The following EPHA6 variants were observed in gnomAD, a reference collection of about 807,000 sequenced individuals.
EPHA6 encodes the protein EPH receptor A6.
EPHA6 carries 50 observed loss-of-function variants against 112.0 expected under a neutral mutation model. The observed-to-expected ratio is 0.45, with a 90% CI of 0.36 to 0.56. The LOEUF (loss-of-function observed/expected upper bound fraction) is 0.56. Ranked by LOEUF, EPHA6 falls within the 20% of genes least tolerant of loss-of-function variation. The pLI is 0.00. For missense variants in EPHA6, 1,280 were observed against 1,417.4 expected, an observed-to-expected ratio of 0.90 and a Z score of 1.56; for synonymous variants, 529 against 490.7, an observed-to-expected ratio of 1.08 and a Z score of -1.03.
Position 96,814,621 on chromosome 3 carries a change from T to A in EPHA6, c.-3T>A. Reference sequence around the variant, plus strand: ...TCCTCGCGCAAGCGGGACACTGTGGTGGATGCAATTCCCCTCGCCTCCAGC... The same window carrying A: ...TCCTCGCGCAAGCGGGACACTGTGGAGGATGCAATTCCCCTCGCCTCCAGC... On this transcript the variant is annotated 5_prime_UTR_variant, in exon 1 of 18. Coordinates refer to ENST00000389672, the MANE Select transcript of EPHA6 (RefSeq NM_001080448.3). The A allele has an allele frequency of 2.1e-6, 3 of 1,442,690 alleles. No individual in the cohort carries two copies. Among genetic ancestry groups the A allele is most frequent in the Non-Finnish European group, 2.7e-6 (3 of 1,097,028 alleles). The allele number at this position is 1,442,690 out of a possible 1,614,324, so 89.4% of individuals were successfully genotyped here.
chr3:97,517,366 G>A (rs1390008179), intron 10 of EPHA6, among the ~76,000 whole-genome samples: 1 of 152,024 alleles, frequency 6.6e-6, no homozygotes, highest in Admixed American at 6.5e-5. Context: ...ATTTGGGAGA[G>A]GGACCAAAGA....
chr3:97,553,737 G>T (rs1403356695), intron 11 of EPHA6, among the ~76,000 whole-genome samples: 1 of 152,058 alleles, frequency 6.6e-6, no homozygotes, highest in Non-Finnish European at 1.5e-5. Flanking sequence ...ATATCACATT[G>T]TATCCTGATG....
At chr3:96,922,419 C>A (rs1416125403) in intron 2 of EPHA6, among the ~76,000 whole-genome samples, 1 of 152,048 alleles carries the variant, frequency 6.6e-6, no homozygotes, top group Admixed American at 6.6e-5. Flanking sequence ...GGGATGTAGA[C>A]CTTGACTGGA....
At chr3:97,656,994 T>C (rs2094141389) in intron 14 of EPHA6, among the ~76,000 whole-genome samples, 1 of 151,894 alleles carries the variant, frequency 6.6e-6, no homozygotes, top group South Asian at 2.1e-4. Context: ...AAAAGGCAGC[T>C]GCTAAATGAA....
At chr3:97,641,433 A>G (rs1164696389) in intron 14 of EPHA6, among the ~76,000 whole-genome samples, 1 of 152,204 alleles carries the variant, frequency 6.6e-6, no homozygotes. Flanking sequence ...AGGGTGGGGG[A>G]GGAGCCAAGA....
At chr3:96,999,180 G>A (rs966208372) in intron 3 of EPHA6, among the ~76,000 whole-genome samples, 26 of 151,796 alleles carry the variant, frequency 1.7e-4, no homozygotes, top group African/African-American at 6.3e-4. Context: ...CTGACTTTCT[G>A]GAAATTTCAT....
At chr3:96,983,733 T>C (rs1291563666) in intron 2 of EPHA6, among the ~76,000 whole-genome samples, 2 of 152,238 alleles carry the variant, frequency 1.3e-5, no homozygotes, top group Admixed American at 6.5e-5. Flanking sequence ...CCCATATTTC[T>C]TGGAGGCTTT....
intron 6 of EPHA6, among the ~76,000 whole-genome samples, chr3:97,433,008 A>G (rs1370365871): frequency 6.6e-6 from 1 of 152,204 alleles, no homozygotes; most frequent in Admixed American, 6.5e-5. Flanking sequence ...CCTGTTAGAA[A>G]CTATAAAAGA....
At chr3:97,537,534 T>G (rs1176715403) in intron 11 of EPHA6, among the ~76,000 whole-genome samples, 1 of 152,152 alleles carries the variant, frequency 6.6e-6, no homozygotes, top group Non-Finnish European at 1.5e-5. Flanking sequence ...ATTTTTAAAT[T>G]TATTCATTCA....
chr3:97,517,212 C>A (rs926906486), intron 10 of EPHA6, among the ~76,000 whole-genome samples: 1 of 152,094 alleles, frequency 6.6e-6, no homozygotes, highest in Non-Finnish European at 1.5e-5. Flanking sequence ...AAGCCAGAGT[C>A]CACTAGGAAC....
intron 3 of EPHA6, among the ~76,000 whole-genome samples, chr3:97,101,565 A>G (rs1425881568): frequency 3.3e-5 from 5 of 152,002 alleles, no homozygotes; most frequent in Admixed American, 2.0e-4. Flanking sequence ...TCCCTGATTC[A>G]TTTAAGCAAG....
intron 7 of EPHA6, among the ~76,000 whole-genome samples, chr3:97,459,710 C>A (rs183041587): frequency 1.1e-4 from 16 of 152,216 alleles, no homozygotes; most frequent in Non-Finnish European, 2.2e-4. Flanking sequence ...TAAAACCTTC[C>A]AAATATCTTT....
intron 2 of EPHA6, among the ~76,000 whole-genome samples, chr3:96,913,733 T>TAA (rs2039346927): frequency 6.6e-6 from 1 of 152,166 alleles, no homozygotes; most frequent in Non-Finnish European, 1.5e-5. Context: ...ATGTAATGAA[T>TAA]AAGTAATCTA....
chr3:97,249,200 C>T (rs1576767115), intron 5 of EPHA6, among the ~76,000 whole-genome samples: 1 of 152,116 alleles, frequency 6.6e-6, no homozygotes, highest in Middle Eastern at 3.4e-3. Context: ...TTCCATATTT[C>T]TTATACATAG....
rs1314190741 is a variant in EPHA6, at chr3:97,643,233, G to A, written c.2784+5151G>A. On this transcript the variant is annotated intron_variant, in intron 14 of 17. Coordinates refer to ENST00000389672, the MANE Select transcript of EPHA6 (RefSeq NM_001080448.3). ...GAGAAATAAAATACTTTACAGACAAGCAAATGCTGAGAGATTTTGTCACCA... is the reference window on the plus strand; with the variant it reads ...GAGAAATAAAATACTTTACAGACAAACAAATGCTGAGAGATTTTGTCACCA... Among the ~76,000 whole-genome samples, 144 of 148,752 alleles carry A rather than the reference G, an allele frequency of 9.7e-4. 1 individual carries two copies. The highest frequency in any genetic ancestry group is 3.4e-3 in the African/African-American group (138 of 40,802).
intron 3 of EPHA6, among the ~76,000 whole-genome samples, chr3:97,150,014 T>G (rs527982321): frequency 6.6e-6 from 1 of 152,156 alleles, no homozygotes; most frequent in Admixed American, 6.6e-5. Context: ...AGTGTTACAT[T>G]CTGACTTACA....
At chr3:97,548,874 G>T (rs1179410767) in intron 11 of EPHA6, among the ~76,000 whole-genome samples, 1 of 152,262 alleles carries the variant, frequency 6.6e-6, no homozygotes, top group Admixed American at 6.5e-5. Flanking sequence ...ACTATTTTAT[G>T]TCAATGGTGG....
intron 3 of EPHA6, among the ~76,000 whole-genome samples, chr3:97,155,893 C>T (rs1212164138): frequency 6.6e-6 from 1 of 152,160 alleles, no homozygotes; most frequent in Non-Finnish European, 1.5e-5. Flanking sequence ...AATGAAGCCA[C>T]CTCTTCTACT....
chr3:97,308,954 A>G (rs2081434598), intron 5 of EPHA6, among the ~76,000 whole-genome samples: 1 of 151,778 alleles, frequency 6.6e-6, no homozygotes, highest in South Asian at 2.1e-4. Flanking sequence ...ATCACTATAT[A>G]AAAGTATATC....
Sources: allele counts gnomAD v4.1 joint callset (sites outside exome capture counted in the v4.1 genomes callset), GRCh38; gene constraint gnomAD v4.1.1; transcripts MANE v1.5; gene names NCBI Gene and HGNC (gene_info 2026-07-23, HGNC 2026-07-21).